CTNNA3: variants seen among roughly 807,000 people sequenced by gnomAD.
CTNNA3 encodes catenin alpha 3.
A neutral mutation model predicts 95.7 loss-of-function variants in CTNNA3; 76 were observed. The observed-to-expected ratio is 0.79, with a 90% confidence interval of 0.66 to 0.96. The LOEUF (loss-of-function observed/expected upper bound fraction) is 0.96. Ranked by LOEUF, CTNNA3 falls within the 40% of genes least tolerant of loss-of-function variation. CTNNA3 has a pLI of 0.00. For synonymous variants in CTNNA3, 431 were observed against 374.4 expected (o/e 1.15, Z -1.74); for missense variants, 1,191 against 1,089.8 (o/e 1.09, Z -1.31).
At chr10:66,416,475 T>C (rs1265299752) in intron 11 of CTNNA3, among the ~76,000 whole-genome samples, 1 of 151,698 alleles carries the variant, frequency 6.6e-6, no homozygotes, top group Non-Finnish European at 1.5e-5. Flanking sequence ...ACAGACACAA[T>C]ACAAAAAGTT....
intron 7 of CTNNA3, among the ~76,000 whole-genome samples, chr10:67,011,293 A>G (rs1486501957): frequency 6.6e-6 from 1 of 150,942 alleles, no homozygotes; most frequent in Non-Finnish European, 1.5e-5. Flanking sequence ...GTGAGCCAAG[A>G]TCATGCCACT....
intron 5 of CTNNA3, among the ~76,000 whole-genome samples, chr10:67,455,447 G>T (rs935210276): frequency 6.6e-6 from 1 of 152,100 alleles, no homozygotes; most frequent in Non-Finnish European, 1.5e-5. Flanking sequence ...CTTGAGTGTG[G>T]ACTGCATTAG....
chr10:67,555,967 T>C (rs1439957251), intron 3 of CTNNA3, among the ~76,000 whole-genome samples: 2 of 152,146 alleles, frequency 1.3e-5, no homozygotes, highest in Non-Finnish European at 2.9e-5. Flanking sequence ...GCATGAAGGG[T>C]TGTTGAATTC....
intron 13 of CTNNA3, among the ~76,000 whole-genome samples, chr10:66,133,379 G>T (rs1234729581): frequency 1.3e-5 from 2 of 152,002 alleles, no homozygotes; most frequent in Admixed American, 1.3e-4. Context: ...GCCAGGCGTG[G>T]TGGCAGCCGC....
rs575906780 is a variant in CTNNA3, at chr10:67,724,902, C to T, written c.-2+38532G>A. 2.6e-4 allele frequency among the ~76,000 whole-genome samples: 39 copies of T among 152,236 alleles called. 2 individuals carry two copies. In the South Asian group the frequency reaches 8.1e-3, roughly 32 times the overall value. On this transcript the variant is annotated intron_variant, in intron 1 of 17. Transcript: ENST00000684154. ...TTCCAAATACATATTTATACAACAA[C>T]TTGCCAGTGCTCACGTAAGAATTTC...
At chr10:66,919,308 C>T (rs529612653) in intron 7 of CTNNA3, among the ~76,000 whole-genome samples, 4 of 152,060 alleles carry the variant, frequency 2.6e-5, no homozygotes, top group African/African-American at 9.6e-5. Flanking sequence ...TCAACTTTTG[C>T]GTATGCTTTA....
intron 6 of CTNNA3, among the ~76,000 whole-genome samples, chr10:67,207,616 A>C (rs1001581935): frequency 6.6e-6 from 1 of 152,118 alleles, no homozygotes; most frequent in African/African-American, 2.4e-5. Context: ...CAAGAAGATA[A>C]ACTATTTGCT....
intron 13 of CTNNA3, among the ~76,000 whole-genome samples, chr10:66,220,639 G>A (rs1400133396): frequency 2.0e-5 from 3 of 152,154 alleles, no homozygotes; most frequent in Non-Finnish European, 2.9e-5. Flanking sequence ...AATTGAAGAC[G>A]GTAAATGTGG....
At chr10:66,779,449 T>C (rs574949656) in intron 7 of CTNNA3, among the ~76,000 whole-genome samples, 119 of 152,210 alleles carry the variant, frequency 7.8e-4, no homozygotes, top group African/African-American at 2.7e-3. Context: ...CTATGCCTCC[T>C]GGGTTCAAGT....
At chr10:66,524,910 G>A (rs763433567) in intron 10 of CTNNA3, among the ~76,000 whole-genome samples, 46 of 152,056 alleles carry the variant, frequency 3.0e-4, no homozygotes, top group East Asian at 3.9e-4. Context: ...TTAGCTGGGC[G>A]TGGTGGTGCA....
At chr10:66,312,007 A>T (rs1382180204) in intron 12 of CTNNA3, among the ~76,000 whole-genome samples, 1 of 152,228 alleles carries the variant, frequency 6.6e-6, no homozygotes, top group Non-Finnish European at 1.5e-5. Flanking sequence ...AAAACTTACA[A>T]CTAAACAAAG....
chr10:66,879,701 C>G (rs767720977), intron 7 of CTNNA3, among the ~76,000 whole-genome samples: 19 of 152,002 alleles, frequency 1.2e-4, no homozygotes, highest in Non-Finnish European at 2.2e-4. Context: ...AGAGATAGAG[C>G]AATTATCTTG....
Position 66,069,411 on chromosome 10 carries a change from T to C in CTNNA3, c.2056A>G (p.Lys686Glu). 6.2e-7 allele frequency: 1 copy of C among 1,613,696 alleles called. No homozygotes were observed. The highest frequency in any genetic ancestry group is 8.5e-7 in the Non-Finnish European group (1 of 1,179,724). The change falls in exon 15 of 18, where the codon AAG becomes GAG. Residue 686 changes from lysine (K) to glutamate (E), a missense_variant. Physicochemically the swap from Lys to Glu is moderately conservative, Grantham distance 56. Coordinates refer to ENST00000433211, the MANE Select transcript of CTNNA3 (RefSeq NM_013266.4). ...QVADFKKVKS[K>E]LDAEIEIWDD... The stretch of plus-strand genomic sequence containing the variant: ...CATATCTCAATCTCAGCATCCAGCT[T>C]ACTCTTTACTTTCTTGAAATCAGCA...
rs2077973637 is a variant in CTNNA3, at chr10:65,966,668, A to G, written c.2344T>C (p.Cys782Arg). ...IKFYSHQLKICSQVKAEIQNL... is the reference protein window; with the variant it reads ...IKFYSHQLKIRSQVKAEIQNL... ...TGGATCTCAGCTTTAACTTGACTGCAGATTTTCAGTTGGTGGGAGTAGAAC... is the reference window on the plus strand; with the variant it reads ...TGGATCTCAGCTTTAACTTGACTGCGGATTTTCAGTTGGTGGGAGTAGAAC... Residue 782 changes from cysteine (C) to arginine (R), a missense_variant, in exon 17 of 18, where the codon TGC becomes CGC. Transcript: ENST00000433211. 6.2e-7 allele frequency: 1 copy of G among 1,613,890 alleles called. No individual in the cohort carries two copies. The highest frequency in any genetic ancestry group is 1.3e-5 in the African/African-American group (1 of 74,928).
intron 1 of CTNNA3, among the ~76,000 whole-genome samples, chr10:67,652,944 T>C (rs1810056055): frequency 6.6e-6 from 1 of 152,254 alleles, no homozygotes; most frequent in Non-Finnish European, 1.5e-5. Context: ...CATTCTCTTT[T>C]ATTTGCCTTC....
chr10:66,050,052 T>G (rs1372272396), intron 15 of CTNNA3, among the ~76,000 whole-genome samples: 2 of 152,190 alleles, frequency 1.3e-5, no homozygotes, highest in African/African-American at 4.8e-5. Flanking sequence ...TACAATATAT[T>G]ATATTTCAAA....
chr10:67,311,350 G>C (rs1840791386), intron 5 of CTNNA3, among the ~76,000 whole-genome samples: 1 of 152,154 alleles, frequency 6.6e-6, no homozygotes, highest in African/African-American at 2.4e-5. Flanking sequence ...AAGGATCATG[G>C]AAGGAGGGGG....
At chr10:66,401,560 C>CACACAG (rs1564929442) in intron 11 of CTNNA3, among the ~76,000 whole-genome samples, 2 of 143,170 alleles carry the variant, frequency 1.4e-5, no homozygotes, top group East Asian at 4.0e-4. Context: ...CACACACACA[C>CACACAG]AGCATAGTAG....
At chr10:67,198,632 T>C (rs1436304797) in intron 6 of CTNNA3, among the ~76,000 whole-genome samples, 1 of 152,226 alleles carries the variant, frequency 6.6e-6, no homozygotes, top group Non-Finnish European at 1.5e-5. Flanking sequence ...CCTTCTCTTT[T>C]TATTAATGAA....
Sources: allele counts gnomAD v4.1 joint callset (sites outside exome capture counted in the v4.1 genomes callset), GRCh38; gene constraint gnomAD v4.1.1; transcripts MANE v1.5; gene names NCBI Gene and HGNC (gene_info 2026-07-23, HGNC 2026-07-21).